Variants in ARHGAP15 observed in about 807,000 individuals in gnomAD.
The protein encoded by ARHGAP15 is rho GTPase-activating protein 15.
A neutral mutation model predicts 63.7 loss-of-function variants in ARHGAP15; 51 were observed. The observed-to-expected ratio is 0.80, with a 90% CI of 0.64 to 1.01. The LOEUF (loss-of-function observed/expected upper bound fraction) is 1.01, where lower values mean the gene tolerates loss of function less well. Among genes scored for constraint, ARHGAP15 ranks in the 50% least tolerant of loss-of-function variants. ARHGAP15 has a pLI of 0.00. For synonymous variants in ARHGAP15, 191 were observed against 193.8 expected (o/e 0.99, Z 0.12); for missense variants, 560 against 564.6 (o/e 0.99, Z 0.08).
At chr2:143,524,726 C>T (rs1694192456) in intron 10 of ARHGAP15, among the ~76,000 whole-genome samples, 1 of 152,156 alleles carries the variant, frequency 6.6e-6, no homozygotes, top group African/African-American at 2.4e-5. Context: ...GTGTTAATAT[C>T]ACGAGAAAGC....
intron 10 of ARHGAP15, among the ~76,000 whole-genome samples, chr2:143,548,230 A>AG (rs1695412925): frequency 6.6e-6 from 1 of 152,172 alleles, no homozygotes; most frequent in Non-Finnish European, 1.5e-5. Context: ...GGGCAAAAGA[A>AG]GGAAGTGGGA....
intron 13 of ARHGAP15, among the ~76,000 whole-genome samples, chr2:143,728,997 C>G (rs964030407): frequency 1.3e-5 from 2 of 152,194 alleles, no homozygotes; most frequent in African/African-American, 4.8e-5. Flanking sequence ...GTTACGCAGA[C>G]TTAAACCGAC....
intron 11 of ARHGAP15, among the ~76,000 whole-genome samples, chr2:143,617,667 G>A (rs1698500517): frequency 6.6e-6 from 1 of 152,146 alleles, no homozygotes; most frequent in South Asian, 2.1e-4. Flanking sequence ...TTGATTTTGA[G>A]GAATGGAAGA....
At chr2:143,545,442 A>G (rs964419688) in intron 10 of ARHGAP15, among the ~76,000 whole-genome samples, 15 of 152,210 alleles carry the variant, frequency 9.9e-5, no homozygotes, top group Admixed American at 1.3e-4. Flanking sequence ...GAGTATTTCA[A>G]TAGATTTTTA....
At chr2:143,300,139 G>A (rs532896049) in intron 6 of ARHGAP15, among the ~76,000 whole-genome samples, 4 of 152,096 alleles carry the variant, frequency 2.6e-5, no homozygotes, top group East Asian at 1.9e-4. Flanking sequence ...GTCTGGGAAC[G>A]TCCTACAGGA....
intron 12 of ARHGAP15, among the ~76,000 whole-genome samples, chr2:143,634,464 T>A (rs574296081): frequency 6.6e-6 from 1 of 152,254 alleles, no homozygotes; most frequent in African/African-American, 2.4e-5. Flanking sequence ...AAGAATTTCA[T>A]GAAATGCACT....
At chr2:143,720,507 G>C (rs768119871) in intron 13 of ARHGAP15, among the ~76,000 whole-genome samples, 2 of 152,088 alleles carry the variant, frequency 1.3e-5, no homozygotes, top group Admixed American at 1.3e-4. Flanking sequence ...TAGAAAAAAA[G>C]ACTGCCCTCT....
chr2:143,171,768 A>G (rs1010700414), intron 2 of ARHGAP15, among the ~76,000 whole-genome samples: 1 of 152,142 alleles, frequency 6.6e-6, no homozygotes, highest in Non-Finnish European at 1.5e-5. Context: ...ACCTTCTGTA[A>G]CCATTAAAGG....
intron 6 of ARHGAP15, among the ~76,000 whole-genome samples, chr2:143,382,082 TTTCCTTCCTTCCTCCCTCCCTTTCC>T (rs1486677600): frequency 1.1e-4 from 3 of 28,208 alleles, no homozygotes; most frequent in African/African-American, 1.5e-4. Context: ...CCTTCCTTCC[TTTCCTTCCTTCCTCCCTCCCTTTCC>T]TTCCTTCCTC....
At chr2:143,591,676 A>G (rs939678859) in intron 11 of ARHGAP15, among the ~76,000 whole-genome samples, 4 of 149,180 alleles carry the variant, frequency 2.7e-5, no homozygotes, top group Non-Finnish European at 3.0e-5. Flanking sequence ...GCTGGAGTGC[A>G]ATGGCACGAT....
intron 11 of ARHGAP15, among the ~76,000 whole-genome samples, chr2:143,570,818 C>G (rs1696416285): frequency 6.6e-6 from 1 of 151,778 alleles, no homozygotes; most frequent in Non-Finnish European, 1.5e-5. Context: ...TCAAACAGGT[C>G]AATCCTTTTT....
intron 11 of ARHGAP15, chr2:143,608,699 A>G (rs1160985831): frequency 6.6e-6 from 1 of 152,182 alleles, no homozygotes; most frequent in Non-Finnish European, 1.5e-5. Context: ...TAAATAAATA[A>G]CCCTGGTTGT....
intron 9 of ARHGAP15, among the ~76,000 whole-genome samples, chr2:143,515,187 A>G (rs73964524): frequency 5.4e-5 from 5 of 93,122 alleles, no homozygotes; most frequent in East Asian, 1.7e-3. Flanking sequence ...CACTATATTA[A>G]CCCCCCCACC....
At chr2:143,425,717 C>T (rs1355807360) in intron 6 of ARHGAP15, among the ~76,000 whole-genome samples, 2 of 150,930 alleles carry the variant, frequency 1.3e-5, no homozygotes, top group East Asian at 3.9e-4. Context: ...GAAAAAGAAG[C>T]ATTACTACTC....
chr2:143,322,086 T>C (rs967825171), intron 6 of ARHGAP15, among the ~76,000 whole-genome samples: 2 of 150,116 alleles, frequency 1.3e-5, no homozygotes, highest in African/African-American at 4.9e-5. Flanking sequence ...AATTTCTCTC[T>C]CCTGCACATA....
intron 13 of ARHGAP15, among the ~76,000 whole-genome samples, chr2:143,761,229 CTTTAG>C (rs1053632813): frequency 2.4e-4 from 37 of 152,268 alleles, no homozygotes; most frequent in African/African-American, 8.2e-4. Context: ...AACAGCCTCT[CTTTAG>C]TTAAGTGGTC....
chr2:143,701,334 T>C (rs1297699550), intron 12 of ARHGAP15, among the ~76,000 whole-genome samples: 2 of 152,206 alleles, frequency 1.3e-5, no homozygotes, highest in Non-Finnish European at 2.9e-5. Context: ...ATCTATTGAA[T>C]TGGACTTTTG....
At chr2:143,647,359 TAAAA>T (rs79292470) in intron 12 of ARHGAP15, among the ~76,000 whole-genome samples, 32 of 136,538 alleles carry the variant, frequency 2.3e-4, no homozygotes, top group East Asian at 8.7e-4. Flanking sequence ...ACCAAGTAGT[TAAAA>T]AAAAAAAAAA....
At chr2:143,762,651 T>G (rs771181360) in intron 13 of ARHGAP15, among the ~76,000 whole-genome samples, 5 of 152,148 alleles carry the variant, frequency 3.3e-5, no homozygotes, top group Admixed American at 6.6e-5. Context: ...AGAGAACCTA[T>G]GTACAAGATT....
Sources: gnomAD v4.1 joint callset for allele counts (sites outside exome capture counted in the v4.1 genomes callset) on GRCh38, gnomAD v4.1.1 for gene constraint, MANE v1.5 for transcripts, NCBI Gene and HGNC (gene_info 2026-07-23, HGNC 2026-07-21) for gene names.